CFAP69: variants seen among roughly 807,000 people sequenced by gnomAD.
CFAP69 encodes cilia- and flagella-associated protein 69.
Under a neutral mutation model 123.0 loss-of-function variants are expected in CFAP69, and 92 were observed. The ratio of observed to expected loss-of-function variants is 0.75; its 90% CI spans 0.63 to 0.89. The LOEUF is 0.89. Among genes scored for constraint, CFAP69 ranks in the 40% least tolerant of loss-of-function variants. The pLI is 0.00. For missense variants in CFAP69, 1,067 were observed against 1,096.9 expected (o/e 0.97, Z 0.39); for synonymous variants, 380 against 364.3 (o/e 1.04, Z -0.49).
downstream of CFAP69, among the ~76,000 whole-genome samples, chr7:90,311,410 G>A (rs780427833): frequency 2.2e-4 from 34 of 152,304 alleles, no homozygotes; most frequent in Middle Eastern, 6.8e-3. Flanking sequence ...AGCTTTCCAG[G>A]AGGGAAAAGC....
intron 6 of CFAP69, among the ~76,000 whole-genome samples, chr7:90,271,133 T>C (rs1273781108): frequency 6.6e-6 from 1 of 152,138 alleles, no homozygotes; most frequent in African/African-American, 2.4e-5. Flanking sequence ...TTTTAGAATT[T>C]AGGATGTTTC....
chr7:90,265,185 A>G, intron 4 of CFAP69, 116 bp from the exon 5 acceptor site: 1 of 591,090 alleles, frequency 1.7e-6, no homozygotes, highest in South Asian at 2.1e-5. Context: ...GGGCTAAAGA[A>G]TAGAATATTA....
intron 3 of CFAP69, among the ~76,000 whole-genome samples, chr7:90,258,571 C>A (rs1028392615): frequency 6.6e-6 from 1 of 151,994 alleles, no homozygotes; most frequent in Non-Finnish European, 1.5e-5. Context: ...TACGGTGGGC[C>A]CACCTGGATA....
At chr7:90,269,379 A>G (rs890447035) in intron 6 of CFAP69, among the ~76,000 whole-genome samples, 4 of 152,192 alleles carry the variant, frequency 2.6e-5, no homozygotes, top group Non-Finnish European at 5.9e-5. Flanking sequence ...AGGCATCAAG[A>G]ATGACATGGA....
At chr7:90,312,142 G>A (rs1794392463), downstream of CFAP69, among the ~76,000 whole-genome samples, 2 of 152,182 alleles carry the variant, frequency 1.3e-5, no homozygotes, top group Non-Finnish European at 2.9e-5. Flanking sequence ...TAATGTGATG[G>A]TGGCCTCAGC....
At chr7:90,251,832 C>G (rs1004005544) in intron 1 of CFAP69, 4 of 152,108 alleles carry the variant, frequency 2.6e-5, no homozygotes, top group Admixed American at 2.6e-4. Context: ...TTAATCTTTA[C>G]TACTCTCTGT....
chr7:90,268,187 AT>A, intron 5 of CFAP69, 98 bp from the exon 6 acceptor site: 2 of 706,224 alleles, frequency 2.8e-6, no homozygotes, highest in Non-Finnish European at 4.6e-6. Context: ...CTCTGAGAAT[AT>A]TTTTAATAAT....
intron 3 of CFAP69, among the ~76,000 whole-genome samples, chr7:90,261,137 T>C (rs1798271532): frequency 6.6e-6 from 1 of 151,306 alleles, no homozygotes; most frequent in Admixed American, 6.6e-5. Flanking sequence ...TGCAGTGCAA[T>C]GGCATGATCT....
At position 90,271,533 on chromosome 7, in the gene CFAP69, G is replaced by T; in HGVS notation, c.540G>T (p.Gln180His). The T allele has an allele frequency of 6.2e-7, 1 of 1,610,936 alleles. No individual in the cohort carries two copies. The change falls in exon 7 of 23, where the codon CAG (glutamine) becomes CAT (histidine). Residue 180 changes from glutamine (Q) to histidine (H), a missense_variant. Physicochemically the swap from Gln to His is conservative, Grantham distance 24 (BLOSUM62 0). Transcript: ENST00000389297. ...EPPKKHIPGY[Q>H]QASSSYKIQM... ...TTAATGAATTGTTGTTAGGTTACCA[G>T]CAAGCGAGTTCATCATACAAGATTC...
chr7:90,249,576 T>C (rs1196027986), intron 1 of CFAP69, among the ~76,000 whole-genome samples: 9 of 152,192 alleles, frequency 5.9e-5, no homozygotes, highest in Admixed American at 5.9e-4. Context: ...TGGAGAGTGA[T>C]GGGATTGGCA....
intron 1 of CFAP69, among the ~76,000 whole-genome samples, chr7:90,252,694 A>T (rs915681279): frequency 6.6e-6 from 1 of 152,174 alleles, no homozygotes; most frequent in Non-Finnish European, 1.5e-5. Flanking sequence ...AAATAAATAT[A>T]ATTTTGAGTA....
chr7:90,289,951 G>C (rs571553604), intron 15 of CFAP69, among the ~76,000 whole-genome samples: 2 of 152,272 alleles, frequency 1.3e-5, no homozygotes, highest in Admixed American at 1.3e-4. Flanking sequence ...TAGGCTTTCT[G>C]TGCTGTTCTA....
chr7:90,256,376 C>G (rs1032519757), intron 2 of CFAP69, among the ~76,000 whole-genome samples: 1 of 151,958 alleles, frequency 6.6e-6, no homozygotes, highest in African/African-American at 2.4e-5. Context: ...CAGGGCCTGT[C>G]AGGGGATGGG....
At chr7:90,264,713 C>CCTT (rs1562856326) in intron 4 of CFAP69, among the ~76,000 whole-genome samples, 1 of 152,014 alleles carries the variant, frequency 6.6e-6, no homozygotes, top group African/African-American at 2.4e-5. Context: ...GCTTTCTTAA[C>CCTT]CTATGCCTTT....
chr7:90,268,466 C>A, intron 6 of CFAP69, 82 bp downstream of exon 6: 2 of 1,011,500 alleles, frequency 2.0e-6, no homozygotes, highest in Non-Finnish European at 3.0e-6. Context: ...ATTTGACAGA[C>A]ACAGTGGGCT....
rs1022734674 is a variant in CFAP69, at chr7:90,258,042, T to C, written c.181-56T>C. 7 of 1,282,306 alleles carry C rather than the reference T, an allele frequency of 5.5e-6. No homozygotes were observed. The Admixed American group carries it at 1.2e-4, about 23-fold the overall frequency. 79.4% of individuals were successfully genotyped at this position (1,282,306 alleles called of 1,614,324 possible). A position where few individuals can be genotyped will look rare whatever the true frequency, so the allele number is the denominator to read the frequency against. ...TCTACTTTTATGTTGAAGAATTTTTTAAAATCTCAACAGATTTAAAAGCAC... is the reference window on the plus strand; with the variant it reads ...TCTACTTTTATGTTGAAGAATTTTTCAAAATCTCAACAGATTTAAAAGCAC... On this transcript the variant is annotated intron_variant, in intron 2 of 22. Coordinates refer to ENST00000389297, the MANE Select transcript of CFAP69 (RefSeq NM_001039706.3).
chr7:90,278,109 A>G (rs1248135156), intron 11 of CFAP69, among the ~76,000 whole-genome samples: 1 of 152,182 alleles, frequency 6.6e-6, no homozygotes, highest in Non-Finnish European at 1.5e-5. Context: ...TCCAAGGATT[A>G]CTATGAAAAA....
chr7:90,266,604 A>G (rs1447764520), intron 5 of CFAP69, among the ~76,000 whole-genome samples: 1 of 152,110 alleles, frequency 6.6e-6, no homozygotes, highest in Non-Finnish European at 1.5e-5. Flanking sequence ...CTGAGTGTCA[A>G]CTTATTCTTT....
chr7:90,308,345 G>A (rs1793906821), intron 21 of CFAP69, among the ~76,000 whole-genome samples: 1 of 152,112 alleles, frequency 6.6e-6, no homozygotes, highest in African/African-American at 2.4e-5. Flanking sequence ...TACTTCAACT[G>A]TAAGCTAGAA....
Sources: gnomAD v4.1 joint callset for allele counts (sites outside exome capture counted in the v4.1 genomes callset) on GRCh38, gnomAD v4.1.1 for gene constraint, MANE v1.5 for transcripts, NCBI Gene and HGNC (gene_info 2026-07-23, HGNC 2026-07-21) for gene names.